TBC1D4: variants seen among roughly 807,000 people sequenced by gnomAD.
The protein encoded by TBC1D4 is TBC1 domain family member 4.
A neutral mutation model predicts 142.5 loss-of-function variants in TBC1D4; 121 were observed. That is an observed-to-expected ratio of 0.85 (90% CI 0.73 to 0.99). The LOEUF is 0.99. Ranked by LOEUF, TBC1D4 falls within the 50% of genes least tolerant of loss-of-function variation. TBC1D4 has a pLI of 0.00. For missense variants in TBC1D4, 1,475 were observed against 1,606.6 expected (o/e 0.92, Z 1.40); for synonymous variants, 630 against 628.2 (o/e 1.00, Z -0.04).
intron 8 of TBC1D4, among the ~76,000 whole-genome samples, chr13:75,330,706 A>G (rs7991659): frequency 0.75 from 113,705 of 152,196 alleles, 45,875 homozygotes; most frequent in South Asian, 0.93. Context: ...AATTACAAAT[A>G]AAGCTAATTA....
At chr13:75,460,826 G>C (rs1348071816) in intron 1 of TBC1D4, among the ~76,000 whole-genome samples, 1 of 152,146 alleles carries the variant, frequency 6.6e-6, no homozygotes, top group African/African-American at 2.4e-5. Flanking sequence ...GGGTGACTAA[G>C]GTGGGAGGAT....
chr13:75,416,116 A>G (rs1367985111), intron 1 of TBC1D4, among the ~76,000 whole-genome samples: 4 of 152,248 alleles, frequency 2.6e-5, no homozygotes, highest in Non-Finnish European at 5.9e-5. Context: ...CTATTCTGAG[A>G]CAAATATTGT....
rs1274831637 is a variant in TBC1D4, at chr13:75,337,034, A to C, written c.1618T>G (p.Ser540Ala). Residue 540 changes from serine to alanine, a missense_variant, in exon 8 of 21, where the codon TCA becomes GCA. Transcript: ENST00000377636. ...VHIGEGPSTI[S>A]NSTIPENATS... The stretch of plus-strand genomic sequence containing the variant: ...GCATTTTCTGGGATTGTACTATTTG[A>C]AATAGTCTAAAAAAAGAAAAACAGA... The C allele has an allele frequency of 6.2e-7, 1 of 1,612,686 alleles. No individual in the cohort carries two copies. The highest frequency in any genetic ancestry group is 1.1e-5 in the South Asian group (1 of 90,994).
chr13:75,368,570 T>C (rs1458651881), intron 1 of TBC1D4, among the ~76,000 whole-genome samples: 2 of 152,206 alleles, frequency 1.3e-5, no homozygotes, highest in Non-Finnish European at 2.9e-5. Flanking sequence ...TCTTAAACCA[T>C]TCTACTAAGT....
intron 1 of TBC1D4, among the ~76,000 whole-genome samples, chr13:75,392,119 C>A (rs963136385): frequency 6.6e-6 from 1 of 152,000 alleles, no homozygotes; most frequent in Non-Finnish European, 1.5e-5. Context: ...TCTGTCTTCC[C>A]ATGATAAAAC....
chr13:75,410,256 A>T, intron 1 of TBC1D4, among the ~76,000 whole-genome samples: 1 of 152,230 alleles, frequency 6.6e-6, no homozygotes, highest in African/African-American at 2.4e-5. Context: ...AAAGGTTCCT[A>T]TGCTGTCAGT....
chr13:75,299,003 A>G (rs901400354), intron 17 of TBC1D4, among the ~76,000 whole-genome samples: 2 of 152,204 alleles, frequency 1.3e-5, no homozygotes, highest in Non-Finnish European at 2.9e-5. Context: ...GAAAAAGTGA[A>G]TAAAGATGAT....
chr13:75,447,239 T>C (rs567785008), intron 1 of TBC1D4, among the ~76,000 whole-genome samples: 1 of 152,128 alleles, frequency 6.6e-6, no homozygotes, highest in Non-Finnish European at 1.5e-5. Flanking sequence ...AGGATTAAGG[T>C]AGATTTTTAT....
At chr13:75,481,195 T>TCCCCCCCCCCCCC in intron 1 of TBC1D4, 75 bp downstream of exon 1, 1 of 1,292,712 alleles carries the variant, frequency 7.7e-7, no homozygotes, top group Non-Finnish European at 1.1e-6. Context: ...TAAAGTGGGG[T>TCCCCCCCCCCCCC]CCCCGCCCCT....
chr13:75,297,666 AG>A (rs1364279065), intron 17 of TBC1D4, among the ~76,000 whole-genome samples: 2 of 151,792 alleles, frequency 1.3e-5, no homozygotes, highest in Admixed American at 1.3e-4. Flanking sequence ...CTGAGGCAGG[AG>A]AATCACTTGA....
chr13:75,315,844 G>T (rs139657092), intron 12 of TBC1D4, among the ~76,000 whole-genome samples: 2 of 152,240 alleles, frequency 1.3e-5, no homozygotes, highest in East Asian at 3.9e-4. Context: ...TCTAAAGTAT[G>T]TTCTGAACTG....
intron 1 of TBC1D4, among the ~76,000 whole-genome samples, chr13:75,426,460 A>G (rs1305710906): frequency 1.3e-5 from 2 of 152,234 alleles, no homozygotes; most frequent in Admixed American, 1.3e-4. Context: ...TATTGGCTAT[A>G]TCAAAGACTG....
At chr13:75,342,879 T>C (rs1880826600) in intron 5 of TBC1D4, among the ~76,000 whole-genome samples, 1 of 151,962 alleles carries the variant, frequency 6.6e-6, no homozygotes, top group South Asian at 2.1e-4. Flanking sequence ...TAGGCTGGCA[T>C]TTTAAAATCA....
chr13:75,324,301 A>AG lies in TBC1D4; in HGVS notation c.2133dup (p.Ser712LeufsTer12). 1.2e-6 allele frequency: 2 copies of AG among 1,614,010 alleles called. No homozygotes were observed. Among genetic ancestry groups the AG allele is most frequent in the Non-Finnish European group, 1.7e-6 (2 of 1,179,892 alleles). The stretch of plus-strand genomic sequence containing the variant: ...TTCTGGTAAAAGCTTTTCAGGAAAG[A>AG]GGGGGCAGTGAAGGAAGGGGCAGAG... On this transcript the variant is annotated frameshift_variant, in exon 11 of 21. Coordinates refer to ENST00000377636, the MANE Select transcript of TBC1D4 (RefSeq NM_014832.5). LOFTEE classifies it high-confidence loss of function.
At chr13:75,444,153 T>C (rs983912072) in intron 1 of TBC1D4, among the ~76,000 whole-genome samples, 4 of 152,188 alleles carry the variant, frequency 2.6e-5, no homozygotes, top group South Asian at 2.1e-4. Context: ...GATAAAGTCT[T>C]GTTCTGTTGC....
At chr13:75,477,583 C>T (rs981702147) in intron 1 of TBC1D4, among the ~76,000 whole-genome samples, 1 of 150,868 alleles carries the variant, frequency 6.6e-6, no homozygotes, top group Middle Eastern at 3.2e-3. Flanking sequence ...ATAACAAAGT[C>T]TCATATTTTC....
Position 75,309,988 on chromosome 13 carries a change from T to C in TBC1D4, c.2547A>G (p.Gln849=), listed in dbSNP as rs2137927707. ...TTTCCATTCGAAGTAACAAGATTTG[T>C]TGGTGTATAGCTTTTCTCCACAAGC... is the stretch of plus-strand genomic sequence containing the variant. ...LRSLWRKAIH[Q]QILLLRMEKE... The change falls in exon 14 of 21, where the codon CAA becomes CAG. Residue 849 remains glutamine, a synonymous_variant. Transcript: ENST00000377636. 6.2e-7 allele frequency: 1 copy of C among 1,614,178 alleles called. No individual in the cohort carries two copies.
At chr13:75,388,048 G>A (rs1340944187) in intron 1 of TBC1D4, among the ~76,000 whole-genome samples, 1 of 152,158 alleles carries the variant, frequency 6.6e-6, no homozygotes, top group Admixed American at 6.5e-5. Context: ...TAAAAGACAT[G>A]CAAATTCCCA....
At chr13:75,430,336 A>T (rs1056900630) in intron 1 of TBC1D4, among the ~76,000 whole-genome samples, 8 of 152,216 alleles carry the variant, frequency 5.3e-5, no homozygotes, top group African/African-American at 1.7e-4. Flanking sequence ...TGAGTCATTT[A>T]GCATTGTTTC....
Sources: allele counts gnomAD v4.1 joint callset (sites outside exome capture counted in the v4.1 genomes callset), GRCh38; gene constraint gnomAD v4.1.1; transcripts MANE v1.5; gene names NCBI Gene and HGNC (gene_info 2026-07-23, HGNC 2026-07-21).